The following LIMCH1 variants were observed in gnomAD, a reference collection of about 807,000 sequenced individuals.
LIMCH1 encodes LIM and calponin homology domains-containing protein 1.
In LIMCH1, 113 loss-of-function variants were observed where a neutral mutation model predicts 176.5. That is an observed-to-expected ratio of 0.64 (90% confidence interval 0.55 to 0.75). The LOEUF is 0.75. LIMCH1 is among the 30% of genes least tolerant of loss of function. The probability of loss-of-function intolerance (pLI) is 0.00; values close to 1 mark genes in which losing one functional copy is unlikely to be tolerated. For missense variants in LIMCH1, 1,674 were observed against 1,814.9 expected, an observed-to-expected ratio of 0.92 and a Z score of 1.41; for synonymous variants, 619 against 645.9, an observed-to-expected ratio of 0.96 and a Z score of 0.63.
At chr4:41,586,650 T>C (rs1310935758) in intron 1 of LIMCH1, among the ~76,000 whole-genome samples, 1 of 152,196 alleles carries the variant, frequency 6.6e-6, no homozygotes, top group Non-Finnish European at 1.5e-5. Context: ...TCTGGCCATA[T>C]AATATAGTAA....
At chr4:41,502,907 T>TCTCA (rs1554075611) in intron 2 of LIMCH1, among the ~76,000 whole-genome samples, 1 of 142,124 alleles carries the variant, frequency 7.0e-6, no homozygotes, top group African/African-American at 2.6e-5. Flanking sequence ...CGGAGGTAAA[T>TCTCA]CACACACACA....
Position 41,633,765 on chromosome 4 carries a change from G to C in LIMCH1, c.2047G>C (p.Asp683His). 1 of 1,536,204 alleles carries C rather than the reference G, an allele frequency of 6.5e-7. No individual in the cohort carries two copies. Among genetic ancestry groups the C allele is most frequent in the Non-Finnish European group, 8.7e-7 (1 of 1,146,928 alleles). Residue 683 changes from aspartate to histidine, a missense_variant, in exon 13 of 32, where the codon GAT (aspartate) becomes CAT (histidine). Physicochemically the swap from Asp to His is moderately conservative, Grantham distance 81. This residue lies in a region of LIMCH1 where 1,015 missense variants were observed against 1,102.5 expected (regional missense o/e 0.92). Coordinates refer to ENST00000503057, the MANE Select transcript of LIMCH1 (RefSeq NM_001330672.2). ...FLPVPFAKQQ[D>H]VEESSKGLPM... is the part of the protein sequence containing the mutation. The stretch of plus-strand genomic sequence containing the variant: ...TCCAGTTCCATTTGCAAAGCAACAG[G>C]ATGTGGAAGAATCTTCTAAAGGTCT...
At chr4:41,438,958 T>A (rs1319044116) in intron 1 of LIMCH1, among the ~76,000 whole-genome samples, 2 of 152,182 alleles carry the variant, frequency 1.3e-5, no homozygotes, top group Non-Finnish European at 2.9e-5. Flanking sequence ...AATTCACAGA[T>A]CATGCTTGAA....
chr4:41,464,370 CT>C lies in LIMCH1; in HGVS notation c.97-30152del, dbSNP rs753362999. On this transcript the variant is annotated intron_variant, in intron 1 of 26. Coordinates refer to the LIMCH1 transcript ENST00000313860. Reference sequence around the variant, plus strand: ...ATTTTCTTTTTCCTTTTCTTTTTTTCTTTTTTTTTTTTTTCTGAGATGGAGT... The same window carrying C: ...ATTTTCTTTTTCCTTTTCTTTTTTTCTTTTTTTTTTTTTCTGAGATGGAGT... Among the ~76,000 whole-genome samples, 375 of 139,026 alleles carry C rather than the reference CT, an allele frequency of 2.7e-3. 5 individuals carry two copies. The East Asian group carries it at 0.048, about 18-fold the overall frequency. The allele number at this position is 139,026 out of a possible 152,430, so 91.2% of individuals were successfully genotyped here.
intron 20 of LIMCH1, among the ~76,000 whole-genome samples, chr4:41,664,530 C>T (rs529715596): frequency 2.6e-5 from 4 of 152,318 alleles, no homozygotes; most frequent in Admixed American, 6.5e-5. Context: ...GGGAGTCAAA[C>T]GTTGGGAGGC....
chr4:41,422,946 A>G (rs1158701896), intron 1 of LIMCH1, among the ~76,000 whole-genome samples: 1 of 151,912 alleles, frequency 6.6e-6, no homozygotes, highest in African/African-American at 2.4e-5. Context: ...TTCTGTAGAG[A>G]TGGGGTTTCG....
At chr4:41,530,105 AGAAC>A (rs2077100308) in intron 3 of LIMCH1, among the ~76,000 whole-genome samples, 1 of 152,250 alleles carries the variant, frequency 6.6e-6, no homozygotes, top group Admixed American at 6.5e-5. Context: ...AACTGACATC[AGAAC>A]AGTTGCCATT....
At chr4:41,643,668 C>T (rs563208609) in intron 14 of LIMCH1, among the ~76,000 whole-genome samples, 18 of 152,208 alleles carry the variant, frequency 1.2e-4, no homozygotes, top group Admixed American at 5.2e-4. Flanking sequence ...ACTGATTTCC[C>T]TTGCATTTTT....
rs1432217221 is a variant in LIMCH1, at chr4:41,626,889, C to A, written c.907C>A (p.Pro303Thr). ...ARRARMNQTK[P>T]MVPLNQLLYG... ...GAGAGCAAGGATGAACCAAACCAAG[C>A]CAATGGTGCCATTAAATCAACTCCT... Residue 303 changes from proline to threonine, a missense_variant, in exon 8 of 32, where the codon CCA (proline) becomes ACA (threonine). Physicochemically the swap from Pro to Thr is conservative, Grantham distance 38. This residue lies in a region of LIMCH1 where 655 missense variants were observed against 692.2 expected (regional missense o/e 0.95). Coordinates refer to ENST00000503057, the MANE Select transcript of LIMCH1 (RefSeq NM_001330672.2). 3 of 1,535,968 alleles carry A rather than the reference C, an allele frequency of 2.0e-6. No individual in the cohort carries two copies. Among genetic ancestry groups the A allele is most frequent in the Non-Finnish European group, 2.6e-6 (3 of 1,146,912 alleles).
chr4:41,413,975 A>T (rs13146097), intron 1 of LIMCH1, among the ~76,000 whole-genome samples: 1 of 152,060 alleles, frequency 6.6e-6, no homozygotes, highest in African/African-American at 2.4e-5. Flanking sequence ...GCCTTTCTCC[A>T]GCCTGGTAGA....
chr4:41,538,423 C>CT, intron 1 of LIMCH1, 73 bp downstream of exon 1: 4 of 865,648 alleles, frequency 4.6e-6, no homozygotes, highest in Non-Finnish European at 5.5e-6. Context: ...GCTATTTAGA[C>CT]TTTAATACTT....
chr4:41,506,901 G>A (rs961297258), intron 2 of LIMCH1, among the ~76,000 whole-genome samples: 4 of 152,214 alleles, frequency 2.6e-5, no homozygotes, highest in African/African-American at 9.6e-5. Context: ...CACAGGTTAA[G>A]GGCTCAGTCC....
intron 1 of LIMCH1, among the ~76,000 whole-genome samples, chr4:41,558,958 A>G (rs538621980): frequency 6.6e-6 from 1 of 152,298 alleles, no homozygotes; most frequent in South Asian, 2.1e-4. Flanking sequence ...TTGACTTACT[A>G]ATGCAGAAAT....
At chr4:41,544,309 C>T (rs1193350485) in intron 1 of LIMCH1, among the ~76,000 whole-genome samples, 2 of 152,224 alleles carry the variant, frequency 1.3e-5, no homozygotes, top group Non-Finnish European at 2.9e-5. Context: ...TTTCTTCACT[C>T]TCTGTGTGTG....
In LIMCH1 at chr4:41,619,190, A is replaced by G; in HGVS notation, c.208A>G (p.Arg70Gly). The change falls in exon 6 of 32, where the codon AGA becomes GGA. Residue 70 changes from arginine to glycine, a missense_variant and splice_region_variant. By Grantham distance (125) the Arg-to-Gly change is moderately radical (BLOSUM62 -2). Coordinates refer to ENST00000503057, the MANE Select transcript of LIMCH1 (RefSeq NM_001330672.2). Reference protein sequence around the residue: ...DVVLRGSSDGRGSDSESDLPH... With the variant: ...DVVLRGSSDGGGSDSESDLPH... ...AGTACCCATCCTCTCTTCCCTAGGGAGAGGAAGCGACTCTGAATCCGACTT... is the reference window on the plus strand; with the variant it reads ...AGTACCCATCCTCTCTTCCCTAGGGGGAGGAAGCGACTCTGAATCCGACTT... 6.2e-7 allele frequency: 1 copy of G among 1,613,294 alleles called. No individual in the cohort carries two copies. Among genetic ancestry groups the G allele is most frequent in the Non-Finnish European group, 8.5e-7 (1 of 1,179,556 alleles).
intron 1 of LIMCH1, among the ~76,000 whole-genome samples, chr4:41,588,473 G>A (rs1271773167): frequency 2.0e-5 from 3 of 152,132 alleles, no homozygotes; most frequent in South Asian, 4.1e-4. Context: ...TCATAAATTT[G>A]TGGCAGCTCC....
At chr4:41,379,654 G>A (rs2055331088) in intron 1 of LIMCH1, among the ~76,000 whole-genome samples, 1 of 152,082 alleles carries the variant, frequency 6.6e-6, no homozygotes, top group Non-Finnish European at 1.5e-5. Flanking sequence ...CATTTATCAT[G>A]TTTTATATAT....
chr4:41,416,923 G>A (rs1307742064), intron 1 of LIMCH1, among the ~76,000 whole-genome samples: 1 of 152,148 alleles, frequency 6.6e-6, no homozygotes, highest in Non-Finnish European at 1.5e-5. Flanking sequence ...CGGCAGCTGA[G>A]AGATGGTGGA....
chr4:41,522,589 A>G (rs2076229658), intron 2 of LIMCH1, among the ~76,000 whole-genome samples: 1 of 152,230 alleles, frequency 6.6e-6, no homozygotes, highest in Non-Finnish European at 1.5e-5. Context: ...AGTAGCGAGA[A>G]AAAGAATTTT....
Sources: allele counts gnomAD v4.1 joint callset (sites outside exome capture counted in the v4.1 genomes callset), GRCh38; gene constraint gnomAD v4.1.1; regional missense constraint gnomAD v4.1.1; transcripts MANE v1.5; gene names NCBI Gene and HGNC (gene_info 2026-07-23, HGNC 2026-07-21).